The following ZMAT5 variants were observed in gnomAD, a reference collection of about 807,000 sequenced individuals.
ZMAT5 encodes the protein zinc finger matrin-type 5, also known as zinc finger matrin-type protein 5.
Under a neutral mutation model 28.0 loss-of-function variants are expected in ZMAT5, and 23 were observed. The observed-to-expected ratio is 0.82, with a 90% CI of 0.59 to 1.16. The LOEUF (loss-of-function observed/expected upper bound fraction) is 1.16. Ranked by LOEUF, ZMAT5 falls within the 50% of genes most tolerant of loss-of-function variation. The pLI is 0.00. For missense variants in ZMAT5, 173 were observed against 212.7 expected, an observed-to-expected ratio of 0.81 and a Z score of 1.16; for synonymous variants, 76 against 84.1, an observed-to-expected ratio of 0.90 and a Z score of 0.52.
intron 4 of ZMAT5, among the ~76,000 whole-genome samples, chr22:29,738,644 C>T (rs1260047545): frequency 6.6e-6 from 1 of 152,086 alleles, no homozygotes; most frequent in African/African-American, 2.4e-5. Context: ...GTTTTCCCAT[C>T]AAATAGAGAC....
intron 3 of ZMAT5, 27 bp downstream of exon 3, chr22:29,742,391 G>A: frequency 1.2e-6 from 2 of 1,611,062 alleles, no homozygotes; most frequent in Non-Finnish European, 1.7e-6. Flanking sequence ...GTCCCCGCAG[G>A]GACCTGAGCT....
chr22:29,732,499 A>G (rs947265374), intron 5 of ZMAT5, among the ~76,000 whole-genome samples: 1 of 152,160 alleles, frequency 6.6e-6, no homozygotes, highest in African/African-American at 2.4e-5. Flanking sequence ...GCGCTTTGGG[A>G]GGCCAAGGCG....
intron 1 of ZMAT5, among the ~76,000 whole-genome samples, chr22:29,748,834 G>A (rs2068032870): frequency 6.6e-6 from 1 of 152,220 alleles, no homozygotes; most frequent in African/African-American, 2.4e-5. Context: ...TTTTTCTTGA[G>A]AGGGTGTTGC....
At chr22:29,759,174 G>A (rs2068131925) in intron 1 of ZMAT5, among the ~76,000 whole-genome samples, 1 of 152,186 alleles carries the variant, frequency 6.6e-6, no homozygotes, top group Non-Finnish European at 1.5e-5. Flanking sequence ...GGTCCCAAGA[G>A]GCCAGAGTTT....
chr22:29,747,532 C>T (rs1347681309), intron 2 of ZMAT5: 1 of 152,554 alleles, frequency 6.6e-6, no homozygotes, highest in Non-Finnish European at 1.5e-5. Flanking sequence ...ATCGGCCCCA[C>T]TCTGGCTCAT....
intron 1 of ZMAT5, among the ~76,000 whole-genome samples, chr22:29,763,429 C>T (rs1204014281): frequency 6.6e-6 from 1 of 151,744 alleles, no homozygotes; most frequent in Non-Finnish European, 1.5e-5. Flanking sequence ...TGGTGAAACC[C>T]CTTCTCTACT....
At chr22:29,755,950 C>A (rs891642914) in intron 1 of ZMAT5, among the ~76,000 whole-genome samples, 21 of 152,256 alleles carry the variant, frequency 1.4e-4, no homozygotes, top group African/African-American at 5.1e-4. Flanking sequence ...ATCCCACTGT[C>A]CTGCCGTGAG....
chr22:29,739,979 G>A (rs1331293969), intron 4 of ZMAT5, among the ~76,000 whole-genome samples: 1 of 152,234 alleles, frequency 6.6e-6, no homozygotes, highest in African/African-American at 2.4e-5. Context: ...AGAAGCTTAA[G>A]GGGGCAGGCA....
intron 1 of ZMAT5, among the ~76,000 whole-genome samples, chr22:29,756,702 A>G (rs2068104337): frequency 1.3e-5 from 2 of 152,144 alleles, no homozygotes; most frequent in African/African-American, 4.8e-5. Context: ...TGAGCCCAGG[A>G]GTTTGAGACC....
intron 1 of ZMAT5, chr22:29,758,984 G>GT (rs2068130084): frequency 6.6e-6 from 1 of 152,218 alleles, no homozygotes; most frequent in Admixed American, 6.5e-5. Context: ...GCCAGGGGTG[G>GT]TAAGTGAAAG....
At chr22:29,761,447 G>A (rs2068156866) in intron 1 of ZMAT5, among the ~76,000 whole-genome samples, 1 of 151,928 alleles carries the variant, frequency 6.6e-6, no homozygotes, top group Non-Finnish European at 1.5e-5. Flanking sequence ...AGACATGGTG[G>A]TGCGGGCTCG....
intron 1 of ZMAT5, among the ~76,000 whole-genome samples, chr22:29,750,268 A>G (rs1427956644): frequency 2.0e-5 from 3 of 152,224 alleles, no homozygotes; most frequent in East Asian, 1.9e-4. Flanking sequence ...AGGCAAACCC[A>G]GTCCCCTAAC....
At chr22:29,746,562 A>AG (rs764805556) in intron 2 of ZMAT5, 2 of 152,808 alleles carry the variant, frequency 1.3e-5, no homozygotes, top group East Asian at 3.8e-4. Context: ...CTGGGATTAC[A>AG]GGTGTGAGCC....
intron 1 of ZMAT5, among the ~76,000 whole-genome samples, chr22:29,757,231 A>C (rs1157607684): frequency 1.3e-5 from 2 of 149,598 alleles, no homozygotes; most frequent in Admixed American, 1.3e-4. Flanking sequence ...AAAAAAAAAA[A>C]GGACTTCACA....
intron 2 of ZMAT5, chr22:29,748,209 C>CCTGT (rs1376128863): frequency 1.5e-6 from 1 of 660,342 alleles, no homozygotes; most frequent in Non-Finnish European, 2.6e-6. Context: ...GGGCCTTCCT[C>CCTGT]CTGTCCACAG....
At chr22:29,741,556 TGGA>T (rs1030711045) in intron 3 of ZMAT5, among the ~76,000 whole-genome samples, 1 of 152,220 alleles carries the variant, frequency 6.6e-6, no homozygotes, top group Admixed American at 6.5e-5. Flanking sequence ...AGGGCAAGCA[TGGA>T]GGAGACTATT....
rs141445831 is a variant in ZMAT5, at chr22:29,754,165, G to A, written c.-27-5594C>T. 2.7e-3 allele frequency among the ~76,000 whole-genome samples: 415 copies of A among 152,296 alleles called. 3 individuals are homozygous for A. The highest frequency in any genetic ancestry group is 8.5e-3 in the African/African-American group (354 of 41,578). The stretch of plus-strand genomic sequence containing the variant: ...TGGCGCCCAGATACCATCATGGGGT[G>A]CTGACTAAGCTGGCCCCCTCTGCTG... On this transcript the variant is annotated intron_variant, in intron 1 of 5. Coordinates refer to ENST00000344318, the MANE Select transcript of ZMAT5 (RefSeq NM_001003692.2).
chr22:29,734,391 C>T (rs2067884334), intron 5 of ZMAT5, among the ~76,000 whole-genome samples: 1 of 152,232 alleles, frequency 6.6e-6, no homozygotes, highest in South Asian at 2.1e-4. Flanking sequence ...GGGTGGGCAG[C>T]TCTCTGTGCC....
chr22:29,755,357 GGGAGGGAGGGGGA>G (rs2068090616), intron 1 of ZMAT5, among the ~76,000 whole-genome samples: 2 of 33,406 alleles, frequency 6.0e-5, no homozygotes, highest in Admixed American at 3.9e-4. Flanking sequence ...GAGGGAGGGA[GGGAGGGAGGGGGA>G]GAGAGAGAGA....
Sources: allele counts gnomAD v4.1 joint callset (sites outside exome capture counted in the v4.1 genomes callset), GRCh38; gene constraint gnomAD v4.1.1; transcripts MANE v1.5; gene names NCBI Gene and HGNC (gene_info 2026-07-23, HGNC 2026-07-21).